Variants in CABCOCO1 observed in about 807,000 individuals in gnomAD.
The protein encoded by CABCOCO1 is ciliary associated calcium binding coiled-coil 1.
CABCOCO1 carries 28 observed loss-of-function variants against 35.7 expected under a neutral mutation model. The observed-to-expected ratio is 0.78, with a 90% confidence interval of 0.58 to 1.07. CABCOCO1 has a LOEUF of 1.07. CABCOCO1 is among the 50% of genes least tolerant of loss of function. The pLI, the probability that CABCOCO1 is intolerant of heterozygous loss-of-function variation, is 0.00. For missense variants in CABCOCO1, 326 were observed against 309.2 expected (o/e 1.05, Z -0.41); for synonymous variants, 95 against 100.1 (o/e 0.95, Z 0.30).
chr10:61,756,904 AT>A (rs1187944818), intron 5 of CABCOCO1, among the ~76,000 whole-genome samples: 2 of 152,016 alleles, frequency 1.3e-5, no homozygotes, highest in African/African-American at 2.4e-5. Flanking sequence ...GGAAAAAAAA[AT>A]GAGACAATTA....
intron 5 of CABCOCO1, among the ~76,000 whole-genome samples, chr10:61,697,916 A>G (rs1291927561): frequency 6.6e-6 from 1 of 152,148 alleles, no homozygotes; most frequent in Non-Finnish European, 1.5e-5. Context: ...ATTTCAATAT[A>G]AACTAGGTTT....
rs556433027 is a variant in CABCOCO1, at chr10:61,679,256, C to G, written c.165-1887C>G. Among the ~76,000 whole-genome samples the G allele has an allele frequency of 1.1e-3, 165 of 151,544 alleles. 1 individual carries two copies. Among genetic ancestry groups the G allele is most frequent in the Non-Finnish European group, 2.0e-3 (135 of 67,766 alleles). On this transcript the variant is annotated intron_variant, in intron 2 of 7. Coordinates refer to ENST00000648843, the MANE Select transcript of CABCOCO1 (RefSeq NM_001366906.2). ...AGGAGAAAATATAAGGAAGGATGCT[C>G]ATAGTCACAGAGCTTAGAATGAGCT...
intron 5 of CABCOCO1, among the ~76,000 whole-genome samples, chr10:61,702,932 A>T (rs979672855): frequency 1.3e-5 from 2 of 152,118 alleles, no homozygotes; most frequent in African/African-American, 4.8e-5. Context: ...AAAACAGGAA[A>T]AAAAAAACAA....
At chr10:61,713,786 G>A (rs1386787030) in intron 5 of CABCOCO1, among the ~76,000 whole-genome samples, 1 of 152,128 alleles carries the variant, frequency 6.6e-6, no homozygotes. Flanking sequence ...TTTTGTCATT[G>A]GTTCTGTTTA....
intron 7 of CABCOCO1, among the ~76,000 whole-genome samples, chr10:61,763,482 A>G (rs1439875417): frequency 6.6e-6 from 1 of 152,104 alleles, no homozygotes. Flanking sequence ...AGATACATTC[A>G]AAATGAAATT....
chr10:61,672,911 T>G (rs910621813), intron 2 of CABCOCO1, among the ~76,000 whole-genome samples, 176 bp downstream of exon 2: 2 of 152,228 alleles, frequency 1.3e-5, no homozygotes, highest in East Asian at 3.8e-4. Flanking sequence ...TTGGCACTAC[T>G]CAACAGTCTC....
At chr10:61,671,136 C>A (rs115855084) in intron 1 of CABCOCO1, among the ~76,000 whole-genome samples, 3,918 of 152,182 alleles carry the variant, frequency 0.026, 161 homozygotes, top group African/African-American at 0.09. Context: ...ATCATCCTGG[C>A]AAACACAGTG....
At chr10:61,760,777 T>C (rs770044523) in intron 6 of CABCOCO1, 86 bp from the exon 7 acceptor site, 103 of 1,379,132 alleles carry the variant, frequency 7.5e-5, no homozygotes, top group Non-Finnish European at 9.4e-5. Context: ...AAATAAAATA[T>C]ATTTAAAACA....
At chr10:61,717,377 G>A (rs778840145) in intron 5 of CABCOCO1, among the ~76,000 whole-genome samples, 6 of 151,800 alleles carry the variant, frequency 4.0e-5, no homozygotes, top group African/African-American at 7.3e-5. Flanking sequence ...ATTTTCTGGC[G>A]AATGGAACTT....
chr10:61,680,554 TAATATATATTTG>T (rs1303826512), intron 2 of CABCOCO1, among the ~76,000 whole-genome samples: 43 of 114,974 alleles, frequency 3.7e-4, no homozygotes, highest in African/African-American at 9.3e-4. Context: ...ATATAACATA[TAATATATATTTG>T]TATATATTAT....
intron 5 of CABCOCO1, among the ~76,000 whole-genome samples, chr10:61,721,460 G>A (rs1253756449): frequency 6.6e-6 from 1 of 152,044 alleles, no homozygotes; most frequent in Non-Finnish European, 1.5e-5. Flanking sequence ...ATTGATATTT[G>A]GGAGTAATTT....
At chr10:61,665,193 A>C (rs1242406561) in intron 1 of CABCOCO1, among the ~76,000 whole-genome samples, 2 of 152,236 alleles carry the variant, frequency 1.3e-5, no homozygotes, top group Non-Finnish European at 2.9e-5. Context: ...ATGATGACTA[A>C]TTAAAATCAT....
chr10:61,735,876 C>T (rs1841404737), intron 5 of CABCOCO1, among the ~76,000 whole-genome samples: 1 of 152,072 alleles, frequency 6.6e-6, no homozygotes, highest in African/African-American at 2.4e-5. Context: ...ACCTGAAGCG[C>T]TTTAAAAACA....
intron 5 of CABCOCO1, among the ~76,000 whole-genome samples, chr10:61,726,873 TA>T (rs1841164800): frequency 7.1e-6 from 1 of 141,152 alleles, no homozygotes; most frequent in South Asian, 2.2e-4. Context: ...GCCTGGCCAA[TA>T]TGGCAAAACC....
At position 61,760,102 on chromosome 10, in the gene CABCOCO1, A is replaced by T; in HGVS notation, c.596A>T (p.Asn199Ile). The stretch of plus-strand genomic sequence containing the variant: ...AAGTCTGCATGTGGCCCTTTCCCAA[A>T]TCCTCTGGAAGAAGGAATCTCATTT... ...VVKSACGPFP[N>I]PLEEGISFDI... Residue 199 changes from asparagine to isoleucine, a missense_variant, in exon 6 of 8, where the codon AAT becomes ATT. Physicochemically the swap from Asn to Ile is moderately radical, Grantham distance 149. Transcript: ENST00000648843. The T allele has an allele frequency of 6.2e-7, 1 of 1,612,754 alleles. No individual in the cohort carries two copies. The highest frequency in any genetic ancestry group is 1.1e-5 in the South Asian group (1 of 91,046).
At chr10:61,756,390 T>C (rs1165962581) in intron 5 of CABCOCO1, among the ~76,000 whole-genome samples, 2 of 152,106 alleles carry the variant, frequency 1.3e-5, no homozygotes, top group Non-Finnish European at 2.9e-5. Context: ...ATTTATTGTA[T>C]GTTCACTTAA....
intron 5 of CABCOCO1, among the ~76,000 whole-genome samples, chr10:61,712,176 C>G (rs543301820): frequency 6.6e-6 from 1 of 151,912 alleles, no homozygotes; most frequent in East Asian, 1.9e-4. Context: ...TCTGTTGTTT[C>G]CTGACTTTTT....
chr10:61,664,468 T>C (rs1839104501), intron 1 of CABCOCO1, among the ~76,000 whole-genome samples: 1 of 152,178 alleles, frequency 6.6e-6, no homozygotes, highest in Non-Finnish European at 1.5e-5. Flanking sequence ...AAAATCATTT[T>C]ATAATGGTTG....
At chr10:61,761,166 T>G (rs1842001961) in intron 7 of CABCOCO1, among the ~76,000 whole-genome samples, 163 bp downstream of exon 7, 1 of 151,824 alleles carries the variant, frequency 6.6e-6, no homozygotes, top group Non-Finnish European at 1.5e-5. Context: ...CATCAGAGAT[T>G]CAGTAAGATC....
Sources: allele counts gnomAD v4.1 joint callset (sites outside exome capture counted in the v4.1 genomes callset), GRCh38; gene constraint gnomAD v4.1.1; transcripts MANE v1.5; gene names NCBI Gene and HGNC (gene_info 2026-07-23, HGNC 2026-07-21).